The following NCS1 variants were observed in gnomAD, a reference collection of about 807,000 sequenced individuals.
NCS1 encodes frequenin homolog.
Under a neutral mutation model 28.4 loss-of-function variants are expected in NCS1, and 6 were observed. That is an observed-to-expected ratio of 0.21 (90% CI 0.12 to 0.42). The LOEUF (loss-of-function observed/expected upper bound fraction) is 0.42. Ranked by LOEUF, NCS1 falls within the 10% of genes least tolerant of loss-of-function variation. The probability of loss-of-function intolerance (pLI) is 1.00; values close to 1 mark genes in which losing one functional copy is unlikely to be tolerated. For missense variants in NCS1, 131 were observed against 241.4 expected, an observed-to-expected ratio of 0.54 and a Z score of 3.03; for synonymous variants, 86 against 99.3, an observed-to-expected ratio of 0.87 and a Z score of 0.79.
chr9:130,227,215 C>T (rs931670625), intron 7 of NCS1, among the ~76,000 whole-genome samples: 11 of 152,154 alleles, frequency 7.2e-5, no homozygotes, highest in African/African-American at 2.7e-4. Flanking sequence ...CTGGCAGAGG[C>T]CCCTGTTGCT....
chr9:130,200,413 C>T lies in NCS1; in HGVS notation c.65-545C>T, dbSNP rs182605635. Reference sequence around the variant, plus strand: ...CTTCACGGCTCTGTTCATGTCTTGCCAGTGAAAGAGCCCGGGCTGACCACA... The same window carrying T: ...CTTCACGGCTCTGTTCATGTCTTGCTAGTGAAAGAGCCCGGGCTGACCACA... On this transcript the variant is annotated intron_variant, in intron 1 of 7. Transcript: ENST00000372398. The T allele has an allele frequency of 2.2e-3, 1,409 of 653,418 alleles. 3 individuals are homozygous for T. Among genetic ancestry groups the T allele is most frequent in the Non-Finnish European group, 3.0e-3 (1,124 of 373,534 alleles). The allele number at this position is 653,418 out of a possible 1,614,324, so 40.5% of individuals were successfully genotyped here.
chr9:130,181,374 C>T lies in NCS1; in HGVS notation c.64+8647C>T, dbSNP rs1258397894. On this transcript the variant is annotated intron_variant, in intron 1 of 7. Transcript: ENST00000372398. This position sits in a 1 kb window ranked among gnomAD's most constrained non-coding sequence, Gnocchi z 5.0. ...TTTGCTCCTGGTGGTGGTGGAGGATCTGCGAGCTGCAGCACGGGACGGTCA... is the reference window on the plus strand; with the variant it reads ...TTTGCTCCTGGTGGTGGTGGAGGATTTGCGAGCTGCAGCACGGGACGGTCA... Among the ~76,000 whole-genome samples, 4 of 152,146 alleles carry T rather than the reference C, an allele frequency of 2.6e-5. No individual in the cohort carries two copies. The highest frequency in any genetic ancestry group is 9.7e-5 in the African/African-American group (4 of 41,430).
intron 7 of NCS1, among the ~76,000 whole-genome samples, chr9:130,229,010 A>T (rs1833458631): frequency 1.3e-5 from 2 of 151,736 alleles, no homozygotes; most frequent in South Asian, 4.2e-4. Flanking sequence ...TATTATTATT[A>T]TTTTTCACAA....
rs1241956886 is a variant in NCS1, at chr9:130,181,506, T to C, written c.64+8779T>C. 1.1e-4 allele frequency among the ~76,000 whole-genome samples: 17 copies of C among 151,942 alleles called. No homozygotes were observed. Among genetic ancestry groups the C allele is most frequent in the Admixed American group, 1.1e-3 (17 of 15,254 alleles). ...TCACCAATTCCACCCAGGAGCCCTG[T>C]GGGGGTCCCCTTTTTACAGATGAGG... On this transcript the variant is annotated intron_variant, in intron 1 of 7. Transcript: ENST00000372398. The surrounding 1 kb of genome is among the most constrained non-coding windows in gnomAD (Gnocchi z 5.0).
chr9:130,223,256 A>G (rs1588125379), intron 6 of NCS1, 97 bp downstream of exon 6: 7 of 1,152,962 alleles, frequency 6.1e-6, no homozygotes, highest in African/African-American at 6.1e-5. Flanking sequence ...TTTGCTGCCA[A>G]CCTCCTCCAT....
chr9:130,203,137 T>TATATATATATA (rs1491343446), intron 2 of NCS1, among the ~76,000 whole-genome samples: 7 of 32,550 alleles, frequency 2.2e-4, no homozygotes, highest in African/African-American at 7.3e-4. Context: ...TATATATATA[T>TATATATATATA]TTTTTTTTTT....
intron 2 of NCS1, among the ~76,000 whole-genome samples, chr9:130,212,008 G>A (rs1307940537): frequency 1.3e-5 from 2 of 150,616 alleles, no homozygotes; most frequent in Admixed American, 6.7e-5. Flanking sequence ...AGTCAGGCAG[G>A]TGGGGAGGAG....
At chr9:130,176,169 TCTTTCTTTCTTTCTTTCTTTC>T (rs782274460) in intron 1 of NCS1, among the ~76,000 whole-genome samples, 21 of 105,634 alleles carry the variant, frequency 2.0e-4, no homozygotes, top group African/African-American at 7.6e-4. Flanking sequence ...TTTCTTTCTT[TCTTTCTTTCTTTCTTTCTTTC>T]TTTCTTTTTT....
Position 130,233,530 on chromosome 9 carries a change from A to G in NCS1, c.*558A>G, listed in dbSNP as rs1370180475. The G allele has an allele frequency of 6.6e-6, 1 of 152,318 alleles. No homozygotes were observed. The highest frequency in any genetic ancestry group is 1.5e-5 in the Non-Finnish European group (1 of 68,010). 9.4% of individuals were successfully genotyped at this position (152,318 alleles called of 1,614,324 possible). On this transcript the variant is annotated 3_prime_UTR_variant, in exon 8 of 8. Transcript: ENST00000372398. This position sits in a 1 kb window ranked among gnomAD's most constrained non-coding sequence, Gnocchi z 4.8. ...CGTCCCATCTTTTGGCAGCAAAACC[A>G]CCTGCGTGGCTAGGATGATTAATTA...
intron 2 of NCS1, among the ~76,000 whole-genome samples, chr9:130,203,675 G>A (rs1157930115): frequency 6.6e-6 from 1 of 152,184 alleles, no homozygotes; most frequent in Non-Finnish European, 1.5e-5. Context: ...TGTCTGCCTG[G>A]GCCTCTTCCA....
At chr9:130,206,291 G>A (rs1186796379) in intron 2 of NCS1, among the ~76,000 whole-genome samples, 4 of 152,094 alleles carry the variant, frequency 2.6e-5, no homozygotes, top group African/African-American at 7.2e-5. Context: ...TGCACAGAAG[G>A]CAAATGAGGT....
At chr9:130,211,561 G>A (rs149796748) in intron 2 of NCS1, among the ~76,000 whole-genome samples, 62 of 151,768 alleles carry the variant, frequency 4.1e-4, no homozygotes, top group African/African-American at 1.4e-3. Context: ...AATCAGGTCC[G>A]CGGAGGACTT....
rs558229421 is a variant in NCS1, at chr9:130,208,716, C to T, written c.89+7734C>T. Among the ~76,000 whole-genome samples, 8 of 152,324 alleles carry T rather than the reference C, an allele frequency of 5.3e-5. No individual in the cohort carries two copies. The East Asian group carries it at 7.7e-4, about 15-fold the overall frequency. On this transcript the variant is annotated intron_variant, in intron 2 of 7. Transcript: ENST00000372398. Reference sequence around the variant, plus strand: ...TCTGGGCCGCGCCATGCAGAGTGGGCGCGGAGACAGCCTCTCAGCAACACA... The same window carrying T: ...TCTGGGCCGCGCCATGCAGAGTGGGTGCGGAGACAGCCTCTCAGCAACACA...
intron 2 of NCS1, among the ~76,000 whole-genome samples, chr9:130,201,315 A>G (rs1032690177): frequency 2.6e-5 from 4 of 152,176 alleles, no homozygotes; most frequent in African/African-American, 9.7e-5. Flanking sequence ...TATGACCTTG[A>G]GAGGTCCTTT....
At chr9:130,200,767 G>A (rs1281768188) in intron 1 of NCS1, among the ~76,000 whole-genome samples, 191 bp from the exon 2 acceptor site, 1 of 152,216 alleles carries the variant, frequency 6.6e-6, no homozygotes, top group African/African-American at 2.4e-5. Context: ...CCCCTGCTGG[G>A]GTGGTGGGTA....
At chr9:130,229,982 G>T (rs1554911888) in intron 7 of NCS1, among the ~76,000 whole-genome samples, 1 of 152,182 alleles carries the variant, frequency 6.6e-6, no homozygotes, top group Non-Finnish European at 1.5e-5. Context: ...CCATCACATG[G>T]CTGGGCCATA....
chr9:130,183,481 C>T (rs368043633), intron 1 of NCS1, among the ~76,000 whole-genome samples: 4 of 152,168 alleles, frequency 2.6e-5, no homozygotes, highest in African/African-American at 9.7e-5. Flanking sequence ...GAATGTTTAA[C>T]CCAAGGCAGA....
Position 130,172,738 on chromosome 9 carries a change from C to T in NCS1, c.64+11C>T, listed in dbSNP as rs1554904191. On this transcript the variant is annotated intron_variant, in intron 1 of 7. Transcript: ENST00000372398. ...CCAGGAAGACCTACTGTGAGTGCTC[C>T]CAGCCCCCAGCCCGCGCCCCGCGGT... 2 of 1,470,914 alleles carry T rather than the reference C, an allele frequency of 1.4e-6. No homozygotes were observed. Among genetic ancestry groups the T allele is most frequent in the African/African-American group, 1.5e-5 (1 of 67,996 alleles). 91.1% of individuals were successfully genotyped at this position (1,470,914 alleles called of 1,614,324 possible).
intron 1 of NCS1, 119 bp from the exon 2 acceptor site, chr9:130,200,832 GCCGTTGC>G: frequency 1.4e-6 from 2 of 1,470,400 alleles, no homozygotes; most frequent in South Asian, 2.3e-5. Context: ...TCCAGAGCAG[GCCGTTGC>G]CCGGGGACAT....
Sources: allele counts gnomAD v4.1 joint callset (sites outside exome capture counted in the v4.1 genomes callset), GRCh38; gene constraint gnomAD v4.1.1; non-coding constraint Gnocchi (gnomAD v3.1); transcripts MANE v1.5; gene names NCBI Gene and HGNC (gene_info 2026-07-23, HGNC 2026-07-21).